Variants in ANO3 observed in about 807,000 individuals in gnomAD.
ANO3 encodes the protein anoctamin-3.
In ANO3, 99 loss-of-function variants were observed where a neutral mutation model predicts 144.8. That is an observed-to-expected ratio of 0.68 (90% CI 0.58 to 0.81). The LOEUF is 0.81. Among genes scored for constraint, ANO3 ranks in the 30% least tolerant of loss-of-function variants. The pLI is 0.00. For missense variants in ANO3, 905 were observed against 1,202.2 expected (o/e 0.75, Z 3.66); for synonymous variants, 414 against 392.6 (o/e 1.05, Z -0.64).
At position 26,598,354 on chromosome 11, in the gene ANO3, A is replaced by T. The variant is rs535208095; in HGVS notation, c.1448-11A>T. Reference sequence around the variant, plus strand: ...ATTTGGGTAAAGAATTATCATTTTTATATTTTATAGCCACAGTCTTCCTGG... The same window carrying T: ...ATTTGGGTAAAGAATTATCATTTTTTTATTTTATAGCCACAGTCTTCCTGG... On this transcript the variant is annotated splice_polypyrimidine_tract_variant and intron_variant, in intron 14 of 26. Transcript: ENST00000256737. 8 of 1,474,956 alleles carry T rather than the reference A, an allele frequency of 5.4e-6. No homozygotes were observed. In the East Asian group the frequency reaches 1.5e-4, roughly 28 times the overall value. 91.4% of individuals were successfully genotyped at this position (1,474,956 alleles called of 1,614,324 possible).
chr11:26,608,625 C>T (rs1333243215), intron 17 of ANO3, among the ~76,000 whole-genome samples: 3 of 152,100 alleles, frequency 2.0e-5, no homozygotes, highest in Non-Finnish European at 4.4e-5. Flanking sequence ...AGAGTTCTGT[C>T]CCTGAGCCCC....
At chr11:26,224,139 G>T (rs142721442) in intron 1 of ANO3, among the ~76,000 whole-genome samples, 5 of 151,756 alleles carry the variant, frequency 3.3e-5, no homozygotes, top group African/African-American at 7.2e-5. Flanking sequence ...ATGGTCAGAG[G>T]GTTCCATGAG....
upstream of ANO3, among the ~76,000 whole-genome samples, chr11:26,306,455 T>G (rs1854386373): frequency 6.6e-6 from 1 of 152,006 alleles, no homozygotes; most frequent in Admixed American, 6.6e-5. Flanking sequence ...TCTCAGCACT[T>G]TGGGAGGCTG....
At chr11:26,488,782 A>G (rs1247632231) in intron 4 of ANO3, among the ~76,000 whole-genome samples, 1 of 152,140 alleles carries the variant, frequency 6.6e-6, no homozygotes, top group Non-Finnish European at 1.5e-5. Flanking sequence ...TATCATGAAG[A>G]GCAAAAGAAC....
chr11:26,280,986 GAAT>G (rs765873372), intron 1 of ANO3, among the ~76,000 whole-genome samples: 1 of 152,182 alleles, frequency 6.6e-6, no homozygotes, highest in East Asian at 1.9e-4. Context: ...GTAAGAACAT[GAAT>G]AATATCTGTC....
chr11:26,365,613 A>G (rs543238539), intron 1 of ANO3, among the ~76,000 whole-genome samples: 1 of 152,334 alleles, frequency 6.6e-6, no homozygotes, highest in South Asian at 2.1e-4. Context: ...TGGGGAAGCC[A>G]CCACAGCTAA....
chr11:26,587,932 T>A (rs1851333344), intron 14 of ANO3, among the ~76,000 whole-genome samples: 1 of 108,164 alleles, frequency 9.2e-6, no homozygotes, highest in South Asian at 4.4e-4. Flanking sequence ...AGTGAAACTC[T>A]GTCTCAAAAA....
chr11:26,309,821 C>T (rs779666912), intron 1 of ANO3: 3 of 447,068 alleles, frequency 6.7e-6, no homozygotes, highest in South Asian at 9.4e-5. Flanking sequence ...GAAAATTTAA[C>T]GCAAATTTAG....
intron 17 of ANO3, among the ~76,000 whole-genome samples, chr11:26,611,988 C>A (rs1451158992): frequency 6.6e-6 from 1 of 152,010 alleles, no homozygotes; most frequent in Non-Finnish European, 1.5e-5. Flanking sequence ...TTTCAGCCTA[C>A]CTTTGTCTTA....
rs1258544980 is a variant in ANO3 at position 26,418,520 on chromosome 11, T to C, written c.47-23398T>C. On this transcript the variant is annotated intron_variant, in intron 1 of 26. Transcript: ENST00000256737. ...GATCTTTGCTGTGGAGCAGGCTATA[T>C]GGCTCTTCCCCATTCCCCTTAGCAA... is the stretch of plus-strand genomic sequence containing the variant. 2.4e-4 allele frequency among the ~76,000 whole-genome samples: 36 copies of C among 152,086 alleles called. 1 individual carries two copies. Among genetic ancestry groups the C allele is most frequent in the Admixed American group, 2.1e-3 (32 of 15,232 alleles).
chr11:26,213,173 A>G (rs1008502826), intron 1 of ANO3, among the ~76,000 whole-genome samples: 2 of 152,208 alleles, frequency 1.3e-5, no homozygotes, highest in African/African-American at 4.8e-5. Flanking sequence ...CACAGCCAGT[A>G]TCATACTAAA....
intron 26 of ANO3, among the ~76,000 whole-genome samples, chr11:26,658,915 G>A (rs527555712): frequency 7.2e-5 from 11 of 152,190 alleles, no homozygotes; most frequent in African/African-American, 2.4e-4. Context: ...CATTAGGAAT[G>A]TATTATTTTC....
intron 1 of ANO3, among the ~76,000 whole-genome samples, chr11:26,318,124 G>A (rs1854670338): frequency 1.3e-5 from 2 of 152,124 alleles, no homozygotes; most frequent in African/African-American, 4.8e-5. Context: ...TGGGGGCTAG[G>A]GGAGGGATAG....
At chr11:26,236,892 A>G (rs865943828) in intron 1 of ANO3, among the ~76,000 whole-genome samples, 6 of 151,912 alleles carry the variant, frequency 3.9e-5, no homozygotes, top group Middle Eastern at 3.4e-3. Context: ...TATCTATACC[A>G]CATTATAAAT....
At chr11:26,365,987 TA>T (rs61444005) in intron 1 of ANO3, among the ~76,000 whole-genome samples, 2 of 1,362 alleles carry the variant, frequency 1.5e-3, no homozygotes, top group African/African-American at 2.1e-3. Flanking sequence ...TATATATATA[TA>T]TATATATATA....
chr11:26,371,120 G>C (rs1206466826), intron 1 of ANO3, among the ~76,000 whole-genome samples: 2 of 152,120 alleles, frequency 1.3e-5, no homozygotes, highest in Non-Finnish European at 2.9e-5. Flanking sequence ...TCCTTTAGTG[G>C]ACCAGGCCAA....
rs546805003 is a variant in ANO3 at position 26,289,581 on chromosome 11, C to A, written c.155-20064C>A. Among the ~76,000 whole-genome samples, 12 of 95,918 alleles carry A rather than the reference C, an allele frequency of 1.3e-4. 1 individual carries two copies. The highest frequency in any genetic ancestry group is 1.7e-4 in the African/African-American group (3 of 17,838). The allele number at this position is 95,918 out of a possible 152,430, so 62.9% of individuals were successfully genotyped here. On this transcript the variant is annotated intron_variant, in intron 1 of 27. Coordinates refer to the ANO3 transcript ENST00000672621. ...GTATATGTACATATACACATATATC[C>A]TATATGTGTGTATATGTACATATAC...
intron 1 of ANO3, among the ~76,000 whole-genome samples, chr11:26,316,861 T>C (rs1487432155): frequency 2.0e-5 from 3 of 152,196 alleles, no homozygotes; most frequent in South Asian, 2.1e-4. Flanking sequence ...CATCACGCAG[T>C]GTTGGCTCAT....
chr11:26,446,047 G>T (rs937078566), intron 3 of ANO3, among the ~76,000 whole-genome samples: 1 of 152,012 alleles, frequency 6.6e-6, no homozygotes, highest in South Asian at 2.1e-4. Flanking sequence ...GGCCAGGCTG[G>T]TCTCAAACTC....
Sources: gnomAD v4.1 joint callset for allele counts (sites outside exome capture counted in the v4.1 genomes callset) on GRCh38, gnomAD v4.1.1 for gene constraint, MANE v1.5 for transcripts, NCBI Gene and HGNC (gene_info 2026-07-23, HGNC 2026-07-21) for gene names.